Variants in MEX3D observed in about 807,000 individuals in gnomAD.
MEX3D encodes RNA-binding protein MEX3D.
MEX3D carries 4 observed loss-of-function variants against 6.3 expected under a neutral mutation model. The observed-to-expected ratio is 0.64, with a 90% CI of 0.31 to 1.46. The LOEUF is 1.46. Ranked by LOEUF, MEX3D falls within the 40% of genes most tolerant of loss-of-function variation. The pLI is 0.07. For missense variants in MEX3D, 1,038 were observed against 994.4 expected (o/e 1.04, Z -0.59); for synonymous variants, 626 against 494.1 (o/e 1.27, Z -3.54).
chr19:1,556,969 C>T lies in MEX3D; in HGVS notation c.596-46G>A, dbSNP rs1413755665. The stretch of plus-strand genomic sequence containing the variant: ...GGACAAGGTGACCCAGAGCCCCCTG[C>T]GCAGCTCAGCCCCGCTGGGCATGCA... On this transcript the variant is annotated intron_variant, in intron 1 of 1. Transcript: ENST00000402693. The surrounding 1 kb of genome is among the most constrained non-coding windows in gnomAD (Gnocchi z 7.5). 4 of 1,544,000 alleles carry T rather than the reference C, an allele frequency of 2.6e-6. No individual in the cohort carries two copies. Among genetic ancestry groups the T allele is most frequent in the East Asian group, 2.3e-5 (1 of 44,372 alleles).
rs1277958296 is a variant in MEX3D at position 1,555,680 on chromosome 19, G to A, written c.1839C>T (p.Val613=). ...CAEGEVMAAL[V]PCGHNLFCMD... ...TGCAGAAGAGGTTGTGGCCGCAGGG[G>A]ACCAGCGCAGCCATCACCTCGCCCT... is the stretch of plus-strand genomic sequence containing the variant. The change falls in exon 2 of 2, where the codon GTC becomes GTT. Residue 613 remains valine (V), a synonymous_variant. Transcript: ENST00000402693. 1.5e-5 allele frequency: 24 copies of A among 1,575,102 alleles called. No homozygotes were observed. The highest frequency in any genetic ancestry group is 2.3e-5 in the East Asian group (1 of 42,558).
chr19:1,555,662 G>A lies in MEX3D; in HGVS notation c.1857C>T (p.Leu619=), dbSNP rs757402125. 3 of 1,584,980 alleles carry A rather than the reference G, an allele frequency of 1.9e-6. No homozygotes were observed. Among genetic ancestry groups the A allele is most frequent in the Non-Finnish European group, 2.6e-6 (3 of 1,168,884 alleles). ...MAALVPCGHN[L]FCMDCAVRIC... ...TGCGGACGGCGCAGTCCATGCAGAA[G>A]AGGTTGTGGCCGCAGGGGACCAGCG... The change falls in exon 2 of 2, where the codon CTC becomes CTT. Residue 619 remains leucine (L), a synonymous_variant. Coordinates refer to ENST00000402693, the MANE Select transcript of MEX3D (RefSeq NM_203304.4).
In MEX3D at chr19:1,555,448, C is replaced by CT; in HGVS notation, c.*114dup. On this transcript the variant is annotated 3_prime_UTR_variant, in exon 2 of 2. Coordinates refer to ENST00000402693, the MANE Select transcript of MEX3D (RefSeq NM_203304.4). ...TGGCCGCCGCCCACCCCCCTGCCCCCTCGGCCTCCGCCCCTCGCCCCCTCC... is the reference window on the plus strand; with the variant it reads ...TGGCCGCCGCCCACCCCCCTGCCCCCTTCGGCCTCCGCCCCTCGCCCCCTCC... 3 of 1,447,326 alleles carry CT rather than the reference C, an allele frequency of 2.1e-6. No individual in the cohort carries two copies. Among genetic ancestry groups the CT allele is most frequent in the Non-Finnish European group, 2.8e-6 (3 of 1,081,516 alleles). The allele number at this position is 1,447,326 out of a possible 1,614,324, so 89.7% of individuals were successfully genotyped here. A position where few individuals can be genotyped will look rare whatever the true frequency, so the allele number is the denominator to read the frequency against.
In MEX3D at chr19:1,556,667, C is replaced by T. The variant is rs978831611; in HGVS notation, c.852G>A (p.Val284=). The T allele has an allele frequency of 1.2e-6, 2 of 1,610,804 alleles. No homozygotes were observed. Among genetic ancestry groups the T allele is most frequent in the Non-Finnish European group, 1.7e-6 (2 of 1,178,980 alleles). Residue 284 remains valine (V), a synonymous_variant, in exon 2 of 2, where the codon GTG becomes GTA. Coordinates refer to ENST00000402693, the MANE Select transcript of MEX3D (RefSeq NM_203304.4). The surrounding 1 kb of genome is among the most constrained non-coding windows in gnomAD (Gnocchi z 7.5). ...TTIQVRVPYR[V]VGLVVGPKGA... is the part of the protein sequence containing the mutation. Reference sequence around the variant, plus strand: ...CCTTGGGCCCCACCACCAGCCCCACCACCCGGTAGGGCACGCGCACCTGGA... The same window carrying T: ...CCTTGGGCCCCACCACCAGCCCCACTACCCGGTAGGGCACGCGCACCTGGA...
chr19:1,555,989 G>A lies in MEX3D; in HGVS notation c.1530C>T (p.Thr510=), dbSNP rs1054326815. 1.5e-5 allele frequency: 18 copies of A among 1,178,632 alleles called. No homozygotes were observed. Among genetic ancestry groups the A allele is most frequent in the Non-Finnish European group, 1.9e-5 (18 of 952,358 alleles). 73.0% of individuals were successfully genotyped at this position (1,178,632 alleles called of 1,614,324 possible). A position where few individuals can be genotyped will look rare whatever the true frequency, so the allele number is the denominator to read the frequency against. ...AGARRSSGAG[T]PRHSPTLPEP... ...CGGGCAGCGTGGGCGAGTGGCGGGG[G>A]GTCCCGGCCCCACTGCTGCGCCGGG... Residue 510 remains threonine, a synonymous_variant, in exon 2 of 2, where the codon ACC becomes ACT. Transcript: ENST00000402693.
rs1356208778 is a variant in MEX3D at position 1,555,966 on chromosome 19, G to A, written c.1553C>T (p.Pro518Leu). ...AGTPRHSPTL[P>L]EPGGLRLELP... ...CTCCAGGCGGAGGCCGCCGGGCTCG[G>A]GCAGCGTGGGCGAGTGGCGGGGGGT... The change falls in exon 2 of 2, where the codon CCC (proline) becomes CTC (leucine). Residue 518 changes from proline (P) to leucine (L), a missense_variant. This residue lies in a region of MEX3D where 581 missense variants were observed against 516.2 expected (regional missense o/e 1.13). Coordinates refer to ENST00000402693, the MANE Select transcript of MEX3D (RefSeq NM_203304.4). 2.4e-5 allele frequency: 28 copies of A among 1,169,458 alleles called. No individual in the cohort carries two copies. The Admixed American group carries it at 2.4e-4, about 10-fold the overall frequency. 72.4% of individuals were successfully genotyped at this position (1,169,458 alleles called of 1,614,324 possible). A position where few individuals can be genotyped will look rare whatever the true frequency, so the allele number is the denominator to read the frequency against.
Position 1,555,320 on chromosome 19 carries a change from A to T in MEX3D, c.*243T>A. 6.3e-7 allele frequency: 1 copy of T among 1,597,530 alleles called. No homozygotes were observed. Among genetic ancestry groups the T allele is most frequent in the Non-Finnish European group, 8.5e-7 (1 of 1,170,704 alleles). On this transcript the variant is annotated 3_prime_UTR_variant, in exon 2 of 2. Coordinates refer to ENST00000402693, the MANE Select transcript of MEX3D (RefSeq NM_203304.4). ...GGACCTTTTCTCTCCGGTTTATTGT[A>T]ACCTGACCACTCAATACTGTCGTTG...
At chr19:1,558,137 A>G (rs1453957899) in intron 1 of MEX3D, among the ~76,000 whole-genome samples, 1 of 151,126 alleles carries the variant, frequency 6.6e-6, no homozygotes, top group Non-Finnish European at 1.5e-5. Flanking sequence ...AGGCAGGAGG[A>G]TCACTGGAGC....
rs1914533735 is a variant in MEX3D, at chr19:1,555,981, T to C, written c.1538A>G (p.His513Arg). The change falls in exon 2 of 2, where the codon CAC becomes CGC. Residue 513 changes from histidine (H) to arginine (R), a missense_variant. Around this residue, in one of 5 missense-constraint regions of MEX3D, gnomAD observed 581 missense variants for 516.2 expected, o/e 1.13. Coordinates refer to ENST00000402693, the MANE Select transcript of MEX3D (RefSeq NM_203304.4). ...RRSSGAGTPR[H>R]SPTLPEPGGL... ...GCCGGGCTCGGGCAGCGTGGGCGAG[T>C]GGCGGGGGGTCCCGGCCCCACTGCT... is the stretch of plus-strand genomic sequence containing the variant. 1.7e-6 allele frequency: 2 copies of C among 1,171,928 alleles called. No individual in the cohort carries two copies. Among genetic ancestry groups the C allele is most frequent in the African/African-American group, 1.7e-5 (1 of 60,140 alleles). The allele number at this position is 1,171,928 out of a possible 1,614,324, so 72.6% of individuals were successfully genotyped here.
In MEX3D at chr19:1,564,837, G is replaced by T. The variant is rs182811681; in HGVS notation, c.595+2627C>A. Among the ~76,000 whole-genome samples the T allele has an allele frequency of 8.7e-3, 1,322 of 152,210 alleles. 11 individuals carry two copies. Among genetic ancestry groups the T allele is most frequent in the Non-Finnish European group, 0.015 (1,026 of 68,006 alleles). On this transcript the variant is annotated intron_variant, in intron 1 of 1. Coordinates refer to ENST00000402693, the MANE Select transcript of MEX3D (RefSeq NM_203304.4). ...CATGAGAAGTTCAGAGAGCCCCAGG[G>T]TGGAGAGGAAGGTGAGTAAAGGGGC...
intron 1 of MEX3D, among the ~76,000 whole-genome samples, chr19:1,561,679 GTGTCACC>G (rs1914722439): frequency 6.6e-6 from 1 of 151,868 alleles, no homozygotes; most frequent in African/African-American, 2.4e-5. Flanking sequence ...TCTATAAAGG[GTGTCACC>G]TGTCGCCCAG....
At position 1,556,584 on chromosome 19, in the gene MEX3D, C is replaced by T; in HGVS notation, c.935G>A (p.Arg312His). ...GACCGCGAACACCGGCTCCTTGTCG[C>T]GCCCGGGCGTCACGATGTAGGTGTG... ...RTHTYIVTPG[R>H]DKEPVFAVTG... Residue 312 changes from arginine (R) to histidine (H), a missense_variant, in exon 2 of 2, where the codon CGC (arginine) becomes CAC (histidine). Around this residue, in one of 5 missense-constraint regions of MEX3D, gnomAD observed 65 missense variants for 109.3 expected, o/e 0.59. Coordinates refer to ENST00000402693, the MANE Select transcript of MEX3D (RefSeq NM_203304.4). This position sits in a 1 kb window ranked among gnomAD's most constrained non-coding sequence, Gnocchi z 7.5. 2 of 1,609,214 alleles carry T rather than the reference C, an allele frequency of 1.2e-6. No homozygotes were observed. Among genetic ancestry groups the T allele is most frequent in the Non-Finnish European group, 1.7e-6 (2 of 1,178,704 alleles).
At position 1,567,976 on chromosome 19, in the gene MEX3D, G is replaced by C. The variant is rs1914895997; in HGVS notation, c.83C>G (p.Pro28Arg). Residue 28 changes from proline to arginine, a missense_variant, in exon 1 of 2, where the codon CCC becomes CGC. Physicochemically the swap from Pro to Arg is moderately radical, Grantham distance 103 (BLOSUM62 -2). This residue lies in a region of MEX3D where 265 missense variants were observed against 206.3 expected (regional missense o/e 1.28). Coordinates refer to ENST00000402693, the MANE Select transcript of MEX3D (RefSeq NM_203304.4). This position sits in a 1 kb window ranked among gnomAD's most constrained non-coding sequence, Gnocchi z 6.5. ...GGGCGGGGGCGCAGGTCCGGGTCCG[G>C]GGTCCTCCCCCGCCGCCCCCACGCC... ...GGGVGAAGED[P>R]GPGPAPPPEG... 1.0e-6 allele frequency: 1 copy of C among 978,268 alleles called. No individual in the cohort carries two copies. The highest frequency in any genetic ancestry group is 5.3e-4 in the Middle Eastern group (1 of 1,896). The allele number at this position is 978,268 out of a possible 1,614,324, so 60.6% of individuals were successfully genotyped here.
Position 1,556,337 on chromosome 19 carries a change from C to G in MEX3D, c.1182G>C (p.Thr394=), listed in dbSNP as rs774314774. ...CGGGGGCGCTGGGGGCGCCCAGGGC[C>G]GTGTCCCCGCGGAGGCCGGCCGTGG... is the stretch of plus-strand genomic sequence containing the variant. ...PTATAGLRGD[T]ALGAPSAPEA... Residue 394 remains threonine (T), a synonymous_variant, in exon 2 of 2, where the codon ACG becomes ACC. Transcript: ENST00000402693. The surrounding 1 kb of genome is among the most constrained non-coding windows in gnomAD (Gnocchi z 7.5). 3.8e-5 allele frequency: 52 copies of G among 1,384,984 alleles called. No individual in the cohort carries two copies. Among genetic ancestry groups the G allele is most frequent in the Admixed American group, 1.1e-4 (3 of 28,570 alleles). The allele number at this position is 1,384,984 out of a possible 1,614,324, so 85.8% of individuals were successfully genotyped here. A position where few individuals can be genotyped will look rare whatever the true frequency, so the allele number is the denominator to read the frequency against.
Position 1,555,159 on chromosome 19 carries a change from C to G in MEX3D, c.*404G>C. On this transcript the variant is annotated 3_prime_UTR_variant, in exon 2 of 2. Transcript: ENST00000402693. ...CCTGAGACCGGCCGGCGAGAAAAGT[C>G]AAATCAGAAAACGGCTTCGGACGAA... The G allele has an allele frequency of 1.7e-6, 1 of 578,844 alleles. No individual in the cohort carries two copies. The highest frequency in any genetic ancestry group is 2.0e-5 in the African/African-American group (1 of 49,362). The allele number at this position is 578,844 out of a possible 1,614,324, so 35.9% of individuals were successfully genotyped here.
Sources: gnomAD v4.1 joint callset for allele counts (sites outside exome capture counted in the v4.1 genomes callset) on GRCh38, gnomAD v4.1.1 for gene constraint, gnomAD v4.1.1 regional missense constraint, Gnocchi (gnomAD v3.1) non-coding constraint, MANE v1.5 for transcripts, NCBI Gene and HGNC (gene_info 2026-07-23, HGNC 2026-07-21) for gene names.